SORCS2: variants seen among roughly 807,000 people sequenced by gnomAD.
SORCS2 encodes the protein sortilin related VPS10 domain containing receptor 2.
SORCS2 carries 100 observed loss-of-function variants against 141.6 expected under a neutral mutation model. The observed-to-expected ratio is 0.71, with a 90% confidence interval of 0.60 to 0.83. SORCS2 has a LOEUF of 0.83. SORCS2 is among the 40% of genes least tolerant of loss of function. The probability of loss-of-function intolerance (pLI) is 0.00; values close to 1 mark genes in which losing one functional copy is unlikely to be tolerated. For synonymous variants in SORCS2, 789 were observed against 676.9 expected, an observed-to-expected ratio of 1.17 and a Z score of -2.57; for missense variants, 1,646 against 1,560.2, an observed-to-expected ratio of 1.05 and a Z score of -0.93.
At chr4:7,421,331 C>T (rs1236000818) in intron 2 of SORCS2, among the ~76,000 whole-genome samples, 3 of 152,224 alleles carry the variant, frequency 2.0e-5, no homozygotes, top group Admixed American at 6.5e-5. Flanking sequence ...GCTAAGAACG[C>T]AGGCTTGTGG....
At chr4:7,465,118 C>G (rs1461513746) in intron 2 of SORCS2, among the ~76,000 whole-genome samples, 1 of 152,186 alleles carries the variant, frequency 6.6e-6, no homozygotes, top group Non-Finnish European at 1.5e-5. Context: ...GAATGACACC[C>G]GGGGCCGCTG....
chr4:7,212,646 CCTGAGGGAAGCCAGAG>C (rs1251654395), intron 1 of SORCS2, among the ~76,000 whole-genome samples: 5 of 152,254 alleles, frequency 3.3e-5, no homozygotes, highest in Non-Finnish European at 7.3e-5. Flanking sequence ...TGTCCCTGCT[CCTGAGGGAAGCCAGAG>C]CTGAGGCCCC....
In SORCS2 at chr4:7,233,455, C is replaced by T. The variant is rs554091520; in HGVS notation, c.480+40329C>T. ...GCCATCCTGTTTCCATCCAGGGGCC[C>T]GGACACTGGGCCACAGTGCAGTACA... On this transcript the variant is annotated intron_variant, in intron 1 of 26. Transcript: ENST00000507866. This position sits in a 1 kb window ranked among gnomAD's most constrained non-coding sequence, Gnocchi z 4.5. Among the ~76,000 whole-genome samples the T allele has an allele frequency of 5.9e-4, 89 of 151,926 alleles. No homozygotes were observed. Among genetic ancestry groups the T allele is most frequent in the African/African-American group, 2.0e-3 (84 of 41,552 alleles).
chr4:7,583,009 A>G (rs559334035), intron 3 of SORCS2, among the ~76,000 whole-genome samples: 2 of 117,210 alleles, frequency 1.7e-5, no homozygotes, highest in Admixed American at 1.7e-4. Flanking sequence ...TTCAATTCAC[A>G]TTTGTTGAAA....
At position 7,648,535 on chromosome 4, in the gene SORCS2, A is replaced by G. The variant is rs187677636; in HGVS notation, c.814-5599A>G. On this transcript the variant is annotated intron_variant, in intron 4 of 26. Transcript: ENST00000507866. The surrounding 1 kb of genome is among the most constrained non-coding windows in gnomAD (Gnocchi z 4.2). ...TCAGGAGCTGGGGCAACTGCTGGGA[A>G]CAAAACAGACCAACCCCTGCCCTCG... is the stretch of plus-strand genomic sequence containing the variant. 3.3e-3 allele frequency among the ~76,000 whole-genome samples: 495 copies of G among 152,240 alleles called. 7 individuals are homozygous for G. Among genetic ancestry groups the G allele is most frequent in the Non-Finnish European group, 1.2e-3 (85 of 68,002 alleles).
intron 11 of SORCS2, among the ~76,000 whole-genome samples, chr4:7,692,353 A>G (rs1724311671): frequency 6.6e-6 from 1 of 152,168 alleles, no homozygotes; most frequent in African/African-American, 2.4e-5. Flanking sequence ...CAGGCAGACA[A>G]GAGGGAAAAG....
At chr4:7,270,893 T>A (rs1715078695) in intron 1 of SORCS2, among the ~76,000 whole-genome samples, 1 of 152,220 alleles carries the variant, frequency 6.6e-6, no homozygotes, top group Admixed American at 6.5e-5. Context: ...AACAAGGGGT[T>A]GTTTAGGATA....
chr4:7,480,521 A>G (rs895054432), intron 2 of SORCS2, among the ~76,000 whole-genome samples: 1 of 152,224 alleles, frequency 6.6e-6, no homozygotes, highest in African/African-American at 2.4e-5. Flanking sequence ...GGCTGTGTTC[A>G]GAACAGGCAC....
chr4:7,290,227 A>G (rs1392309959), intron 1 of SORCS2, among the ~76,000 whole-genome samples: 2 of 152,118 alleles, frequency 1.3e-5, no homozygotes, highest in Non-Finnish European at 2.9e-5. Context: ...TAACGAACAC[A>G]TCTCAGGGTC....
At chr4:7,469,851 C>T (rs375060074) in intron 2 of SORCS2, among the ~76,000 whole-genome samples, 142 of 152,264 alleles carry the variant, frequency 9.3e-4, no homozygotes, top group African/African-American at 3.3e-3. Flanking sequence ...CATGGGGAGG[C>T]GAACAGGCTT....
At chr4:7,336,110 C>G (rs1577414094) in intron 1 of SORCS2, among the ~76,000 whole-genome samples, 1 of 152,204 alleles carries the variant, frequency 6.6e-6, no homozygotes, top group Admixed American at 6.5e-5. Context: ...CTTCCGCGTC[C>G]CCATGTGTGC....
chr4:7,278,258 C>G (rs1268001208), intron 1 of SORCS2, among the ~76,000 whole-genome samples: 1 of 152,210 alleles, frequency 6.6e-6, no homozygotes, highest in Non-Finnish European at 1.5e-5. Flanking sequence ...GCATCCCTCT[C>G]TCCTCTGAGC....
At chr4:7,290,821 G>A (rs536141689) in intron 1 of SORCS2, among the ~76,000 whole-genome samples, 1 of 93,204 alleles carries the variant, frequency 1.1e-5, no homozygotes, top group South Asian at 3.7e-4. Context: ...CATTCATTCA[G>A]TGAATGTAGG....
intron 3 of SORCS2, among the ~76,000 whole-genome samples, chr4:7,631,458 C>T (rs1464031105): frequency 6.6e-6 from 1 of 151,938 alleles, no homozygotes. Flanking sequence ...TCTGGGGCAT[C>T]TTTTTGCACA....
chr4:7,222,616 A>T (rs1728778310), intron 1 of SORCS2, among the ~76,000 whole-genome samples: 1 of 152,176 alleles, frequency 6.6e-6, no homozygotes, highest in African/African-American at 2.4e-5. Context: ...TGCGAATGAG[A>T]TTCCAGTAGA....
At chr4:7,706,773 A>T (rs573663823) in intron 14 of SORCS2, among the ~76,000 whole-genome samples, 3 of 149,686 alleles carry the variant, frequency 2.0e-5, no homozygotes, top group Non-Finnish European at 3.0e-5. Flanking sequence ...CTGGACAGAG[A>T]TGAGGCTGGG....
At chr4:7,582,517 G>A (rs897710556) in intron 3 of SORCS2, among the ~76,000 whole-genome samples, 1 of 152,192 alleles carries the variant, frequency 6.6e-6, no homozygotes, top group Admixed American at 6.5e-5. Flanking sequence ...ATGCACATTC[G>A]TGGGGAACCT....
intron 3 of SORCS2, among the ~76,000 whole-genome samples, chr4:7,587,955 T>A (rs1716651905): frequency 6.6e-6 from 1 of 152,216 alleles, no homozygotes; most frequent in African/African-American, 2.4e-5. Flanking sequence ...TTTTCAGGCC[T>A]TTAAAACCAA....
chr4:7,413,803 C>T (rs930491597), intron 2 of SORCS2, among the ~76,000 whole-genome samples: 5 of 152,118 alleles, frequency 3.3e-5, no homozygotes, highest in African/African-American at 7.2e-5. Context: ...TCACTAATGC[C>T]GAGATGTAAA....
Sources: gnomAD v4.1 joint callset for allele counts (sites outside exome capture counted in the v4.1 genomes callset) on GRCh38, gnomAD v4.1.1 for gene constraint, Gnocchi (gnomAD v3.1) non-coding constraint, MANE v1.5 for transcripts, NCBI Gene and HGNC (gene_info 2026-07-23, HGNC 2026-07-21) for gene names.